The following EIF3E variants were observed in gnomAD, a reference collection of about 807,000 sequenced individuals.
EIF3E encodes eukaryotic translation initiation factor 3 subunit E, also known as eIF-3 p48.
Under a neutral mutation model 59.3 loss-of-function variants are expected in EIF3E, and 25 were observed. The observed-to-expected ratio is 0.42, with a 90% CI of 0.31 to 0.59. The LOEUF (loss-of-function observed/expected upper bound fraction) is 0.59, where lower values mean the gene tolerates loss of function less well. Ranked by LOEUF, EIF3E falls within the 20% of genes least tolerant of loss-of-function variation. EIF3E has a pLI of 0.15. For missense variants in EIF3E, 317 were observed against 534.3 expected (o/e 0.59, Z 4.01); for synonymous variants, 176 against 170.2 (o/e 1.03, Z -0.26).
chr8:108,247,366 A>C (rs1815966846), intron 1 of EIF3E, among the ~76,000 whole-genome samples: 1 of 152,256 alleles, frequency 6.6e-6, no homozygotes, highest in Non-Finnish European at 1.5e-5. Flanking sequence ...ACTTTTCCAG[A>C]AAAGAAAACA....
At chr8:108,222,075 C>T (rs768405300) in intron 7 of EIF3E, among the ~76,000 whole-genome samples, 5 of 152,146 alleles carry the variant, frequency 3.3e-5, no homozygotes, top group African/African-American at 7.2e-5. Flanking sequence ...TGGAATCTGA[C>T]TCTGTCCCCT....
chr8:108,229,308 CA>C, intron 5 of EIF3E, 113 bp from the exon 6 acceptor site: 1 of 1,063,856 alleles, frequency 9.4e-7, no homozygotes, highest in Non-Finnish European at 1.3e-6. Context: ...TAGCTTTCTA[CA>C]AAAAACTGTA....
chr8:108,218,781 T>C (rs1202356806), intron 7 of EIF3E, among the ~76,000 whole-genome samples: 1 of 104,810 alleles, frequency 9.5e-6, no homozygotes, highest in East Asian at 3.0e-4. Context: ...TTATTTTATT[T>C]CTTTTTTTTT....
At chr8:108,204,744 T>TAC (rs753379060) in intron 10 of EIF3E, among the ~76,000 whole-genome samples, 2 of 102,708 alleles carry the variant, frequency 1.9e-5, no homozygotes, top group Non-Finnish European at 3.9e-5. Flanking sequence ...TATATATATA[T>TAC]ATAGAGAGAG....
chr8:108,238,110 T>C lies in EIF3E; in HGVS notation c.323+1848A>G, dbSNP rs146673929. 2.8e-3 allele frequency among the ~76,000 whole-genome samples: 424 copies of C among 152,322 alleles called. 5 individuals carry two copies. Among genetic ancestry groups the C allele is most frequent in the African/African-American group, 9.6e-3 (401 of 41,566 alleles). ...GTGACTAAACTACAGCATCCTAAAT[T>C]TTCTGTTGTAGTCTAACATCTGGAT... is the stretch of plus-strand genomic sequence containing the variant. On this transcript the variant is annotated intron_variant, in intron 3 of 12. Transcript: ENST00000220849.
intron 10 of EIF3E, among the ~76,000 whole-genome samples, chr8:108,210,194 G>C (rs1040980909): frequency 2.6e-5 from 4 of 151,762 alleles, no homozygotes; most frequent in African/African-American, 9.7e-5. Context: ...ACTTTTTAGA[G>C]TTTCCCATTT....
chr8:108,212,571 G>T (rs1463470545), intron 10 of EIF3E, among the ~76,000 whole-genome samples: 1 of 152,188 alleles, frequency 6.6e-6, no homozygotes, highest in Admixed American at 6.5e-5. Flanking sequence ...GGAGAACAAG[G>T]CAGGGAGATC....
intron 10 of EIF3E, among the ~76,000 whole-genome samples, chr8:108,205,428 CTT>C (rs1411419927): frequency 6.6e-6 from 1 of 152,168 alleles, no homozygotes; most frequent in Non-Finnish European, 1.5e-5. Context: ...TACTTTACCT[CTT>C]GAGTCTCTAC....
intron 5 of EIF3E, among the ~76,000 whole-genome samples, chr8:108,230,705 C>T (rs1815606931): frequency 1.3e-5 from 2 of 152,066 alleles, no homozygotes; most frequent in Non-Finnish European, 2.9e-5. Flanking sequence ...CACAATACAA[C>T]TTGTACATGC....
chr8:108,216,276 T>C (rs1815302820), intron 9 of EIF3E, 136 bp downstream of exon 9: 1 of 641,314 alleles, frequency 1.6e-6, no homozygotes. Flanking sequence ...ATGAGCCATT[T>C]AGGCCTTTTT....
Position 108,201,774 on chromosome 8 carries a change from AAATTTATACGTAAT to A in EIF3E, c.*97_*110del. 1 of 915,132 alleles carries A rather than the reference AAATTTATACGTAAT, an allele frequency of 1.1e-6. No individual in the cohort carries two copies. Among genetic ancestry groups the A allele is most frequent in the Non-Finnish European group, 1.5e-6 (1 of 667,902 alleles). 56.7% of individuals were successfully genotyped at this position (915,132 alleles called of 1,614,324 possible). Reference sequence around the variant, plus strand: ...GAATCAATTTTATTCCAATTCTTCAAAATTTATACGTAATATGTTGTTTCCAAAATGTAAGTCAC... The same window carrying A: ...GAATCAATTTTATTCCAATTCTTCAAATGTTGTTTCCAAAATGTAAGTCAC... On this transcript the variant is annotated 3_prime_UTR_variant, in exon 13 of 13. Transcript: ENST00000220849.
intron 4 of EIF3E, among the ~76,000 whole-genome samples, chr8:108,235,928 T>G (rs949147869): frequency 6.6e-5 from 10 of 152,244 alleles, no homozygotes; most frequent in Non-Finnish European, 1.3e-4. Flanking sequence ...AACTCTGGAA[T>G]AAATACAAGC....
At chr8:108,215,754 A>G (rs572989150) in intron 9 of EIF3E, among the ~76,000 whole-genome samples, 20 of 152,356 alleles carry the variant, frequency 1.3e-4, no homozygotes, top group African/African-American at 4.6e-4. Flanking sequence ...ACTGATAACC[A>G]GTAACTTGTG....
chr8:108,242,581 A>G (rs1237007093), intron 1 of EIF3E: 2 of 1,168,354 alleles, frequency 1.7e-6, no homozygotes, highest in African/African-American at 1.6e-5. Context: ...GGAAAGAAAA[A>G]TCCAAGAAAA....
At chr8:108,240,168 A>G (rs1815808032) in intron 2 of EIF3E, 93 bp from the exon 3 acceptor site, 1 of 976,050 alleles carries the variant, frequency 1.0e-6, no homozygotes, top group African/African-American at 1.6e-5. Flanking sequence ...CAGTGTATTT[A>G]AACTATACAT....
In EIF3E at chr8:108,234,960, C is replaced by CAAAAAAAA. The variant is rs3075616; in HGVS notation, c.471+30_471+37dup. 126 of 873,878 alleles carry CAAAAAAAA rather than the reference C, an allele frequency of 1.4e-4. 2 individuals are homozygous for CAAAAAAAA. The highest frequency in any genetic ancestry group is 6.1e-4 in the East Asian group (19 of 30,982). The allele number at this position is 873,878 out of a possible 1,614,324, so 54.1% of individuals were successfully genotyped here. ...AGAACCAAGGGAATCCTACAAAAGA[C>CAAAAAAAA]AAAAAAAAAAAAAAAAAAAACATGT... On this transcript the variant is annotated intron_variant, in intron 5 of 12. Coordinates refer to ENST00000220849, the MANE Select transcript of EIF3E (RefSeq NM_001568.3).
chr8:108,218,496 T>A (rs527525781), intron 7 of EIF3E, among the ~76,000 whole-genome samples: 1 of 152,280 alleles, frequency 6.6e-6, no homozygotes, highest in East Asian at 1.9e-4. Context: ...CTTAATAATA[T>A]CTAGTCCCAC....
chr8:108,210,132 A>T (rs1815179770), intron 10 of EIF3E, among the ~76,000 whole-genome samples: 1 of 151,666 alleles, frequency 6.6e-6, no homozygotes, highest in Non-Finnish European at 1.5e-5. Flanking sequence ...CCTCCAGAGA[A>T]TGTTTTTGTT....
Position 108,201,879 on chromosome 8 carries a change from G to A in EIF3E, c.*6C>T. 6.6e-7 allele frequency: 1 copy of A among 1,513,406 alleles called. No individual in the cohort carries two copies. Among genetic ancestry groups the A allele is most frequent in the Non-Finnish European group, 8.8e-7 (1 of 1,130,198 alleles). 93.7% of individuals were successfully genotyped at this position (1,513,406 alleles called of 1,614,324 possible). Reference sequence around the variant, plus strand: ...GTTTTTTTTTTCATCTTTTCTTTATGGTTCTTCAGTAGAAGCCAGAATCTT... The same window carrying A: ...GTTTTTTTTTTCATCTTTTCTTTATAGTTCTTCAGTAGAAGCCAGAATCTT... On this transcript the variant is annotated 3_prime_UTR_variant, in exon 13 of 13. Coordinates refer to ENST00000220849, the MANE Select transcript of EIF3E (RefSeq NM_001568.3).
Sources: gnomAD v4.1 joint callset for allele counts (sites outside exome capture counted in the v4.1 genomes callset) on GRCh38, gnomAD v4.1.1 for gene constraint, MANE v1.5 for transcripts, NCBI Gene and HGNC (gene_info 2026-07-23, HGNC 2026-07-21) for gene names.